Variants in EXOC6B observed in about 807,000 individuals in gnomAD.
EXOC6B encodes the protein exocyst complex component 6B.
A neutral mutation model predicts 113.5 loss-of-function variants in EXOC6B; 54 were observed. That is an observed-to-expected ratio of 0.48 (90% confidence interval 0.38 to 0.60). The LOEUF (loss-of-function observed/expected upper bound fraction) is 0.60, where lower values mean the gene tolerates loss of function less well. EXOC6B is among the 20% of genes least tolerant of loss of function. EXOC6B has a pLI of 0.00. For missense variants in EXOC6B, 797 were observed against 977.5 expected, an observed-to-expected ratio of 0.82 and a Z score of 2.46; for synonymous variants, 357 against 339.0, an observed-to-expected ratio of 1.05 and a Z score of -0.58.
At chr2:72,814,233 G>A (rs1484101141) in intron 1 of EXOC6B, among the ~76,000 whole-genome samples, 3 of 152,158 alleles carry the variant, frequency 2.0e-5, no homozygotes, top group Non-Finnish European at 4.4e-5. Flanking sequence ...TTTGGCAAAT[G>A]GCCTTCATCA....
intron 1 of EXOC6B, among the ~76,000 whole-genome samples, chr2:72,798,227 C>T (rs138325964): frequency 4.8e-4 from 73 of 152,048 alleles, no homozygotes; most frequent in East Asian, 2.3e-3. Context: ...TTACCTCTTG[C>T]AAAAGACAAA....
chr2:72,219,900 T>C (rs1207916629), intron 20 of EXOC6B, among the ~76,000 whole-genome samples: 2 of 152,216 alleles, frequency 1.3e-5, no homozygotes, highest in Non-Finnish European at 1.5e-5. Context: ...TTAAGTGATT[T>C]GTGCTGATGG....
intron 8 of EXOC6B, among the ~76,000 whole-genome samples, chr2:72,550,182 CA>C (rs1277969657): frequency 6.6e-6 from 1 of 151,862 alleles, no homozygotes; most frequent in Non-Finnish European, 1.5e-5. Context: ...AAAAAAATTA[CA>C]AACATTTATA....
chr2:72,614,572 A>G (rs1380564524), intron 6 of EXOC6B, among the ~76,000 whole-genome samples: 2 of 152,190 alleles, frequency 1.3e-5, no homozygotes, highest in African/African-American at 2.4e-5. Flanking sequence ...TAAACTTTGG[A>G]ACTTCCAAAT....
At chr2:72,438,241 A>G (rs1695992233) in intron 18 of EXOC6B, among the ~76,000 whole-genome samples, 1 of 152,082 alleles carries the variant, frequency 6.6e-6, no homozygotes, top group Non-Finnish European at 1.5e-5. Context: ...TTAAAACTCA[A>G]TCAGAAAAAC....
chr2:72,586,758 T>TA (rs1470656851), intron 6 of EXOC6B, among the ~76,000 whole-genome samples: 5 of 143,634 alleles, frequency 3.5e-5, no homozygotes, highest in Non-Finnish European at 6.2e-5. Flanking sequence ...CTCAAAAAAA[T>TA]AAAAAAATAA....
intron 18 of EXOC6B, among the ~76,000 whole-genome samples, chr2:72,417,090 AT>A (rs964365109): frequency 1.3e-5 from 2 of 152,042 alleles, no homozygotes; most frequent in Admixed American, 6.5e-5. Flanking sequence ...TCTGGTATCA[AT>A]TTTTTTATCA....
At chr2:72,468,061 A>C (rs1698164031) in intron 17 of EXOC6B, among the ~76,000 whole-genome samples, 1 of 151,794 alleles carries the variant, frequency 6.6e-6, no homozygotes. Context: ...GTGAGCCACC[A>C]TGCTCTGCCT....
At chr2:72,332,315 C>G (rs969620780) in intron 20 of EXOC6B, among the ~76,000 whole-genome samples, 1 of 151,936 alleles carries the variant, frequency 6.6e-6, no homozygotes, top group Non-Finnish European at 1.5e-5. Context: ...AATCTGTGTT[C>G]TTAATAATAT....
At chr2:72,372,834 A>ACTCT (rs1035365125) in intron 19 of EXOC6B, among the ~76,000 whole-genome samples, 1 of 151,892 alleles carries the variant, frequency 6.6e-6, no homozygotes, top group African/African-American at 2.4e-5. Context: ...ACAGAGCAAG[A>ACTCT]CTCTGTCTCA....
intron 20 of EXOC6B, among the ~76,000 whole-genome samples, chr2:72,186,011 G>A (rs1245455220): frequency 1.3e-5 from 2 of 151,626 alleles, no homozygotes; most frequent in African/African-American, 2.4e-5. Flanking sequence ...TTGTCCTTGC[G>A]ATAGATAGTT....
chr2:72,430,950 ATT>A (rs1695484683), intron 18 of EXOC6B, among the ~76,000 whole-genome samples: 1 of 152,196 alleles, frequency 6.6e-6, no homozygotes, highest in Non-Finnish European at 1.5e-5. Flanking sequence ...GGGCTAACCA[ATT>A]CATGGCTATG....
chr2:72,741,323 C>T lies in EXOC6B; in HGVS notation c.260G>A (p.Gly87Glu), dbSNP rs755879989. The change falls in exon 2 of 22, where the codon GGA becomes GAA. Residue 87 changes from glycine (G) to glutamate (E), a missense_variant. Coordinates refer to ENST00000272427, the MANE Select transcript of EXOC6B (RefSeq NM_015189.3). ...TCTTACTTTGAGTTTCTGGGCTTCT[C>T]CTCTCACTTTCAGCAGTTCAGTTAT... Reference protein sequence around the residue: ...DSITELLKVRGEAQKLKNQVT... With the variant: ...DSITELLKVREEAQKLKNQVT... The T allele has an allele frequency of 5.6e-6, 9 of 1,612,332 alleles. No individual in the cohort carries two copies. The highest frequency in any genetic ancestry group is 4.0e-5 in the African/African-American group (3 of 74,656).
At chr2:72,719,604 C>T (rs1473654507) in intron 5 of EXOC6B, among the ~76,000 whole-genome samples, 1 of 152,196 alleles carries the variant, frequency 6.6e-6, no homozygotes, top group Non-Finnish European at 1.5e-5. Flanking sequence ...TAGTCCCTAA[C>T]CCATATACAA....
chr2:72,721,103 C>T (rs1679971983), intron 5 of EXOC6B, among the ~76,000 whole-genome samples: 1 of 151,878 alleles, frequency 6.6e-6, no homozygotes, highest in African/African-American at 2.4e-5. Flanking sequence ...CTGAGGCAGG[C>T]AGATCACTTG....
At chr2:72,550,922 T>TA (rs201872674) in intron 8 of EXOC6B, among the ~76,000 whole-genome samples, 19 of 147,884 alleles carry the variant, frequency 1.3e-4, no homozygotes, top group South Asian at 4.2e-4. Context: ...TTTTTTTATT[T>TA]TTTTTTTTTT....
intron 20 of EXOC6B, among the ~76,000 whole-genome samples, chr2:72,302,205 G>A (rs956037988): frequency 2.6e-5 from 4 of 152,160 alleles, no homozygotes; most frequent in African/African-American, 9.7e-5. Flanking sequence ...CCAAGAGTGT[G>A]TTTGGTATGA....
At chr2:72,552,791 T>C (rs997108929) in intron 8 of EXOC6B, among the ~76,000 whole-genome samples, 4 of 151,948 alleles carry the variant, frequency 2.6e-5, no homozygotes, top group Non-Finnish European at 4.4e-5. Context: ...TATATTAATA[T>C]GTATAGAAAA....
chr2:72,441,307 T>A (rs1221115405), intron 18 of EXOC6B, among the ~76,000 whole-genome samples: 1 of 151,818 alleles, frequency 6.6e-6, no homozygotes, highest in Non-Finnish European at 1.5e-5. Context: ...GATCTCAATT[T>A]AAAAATCTAA....
Sources: gnomAD v4.1 joint callset for allele counts (sites outside exome capture counted in the v4.1 genomes callset) on GRCh38, gnomAD v4.1.1 for gene constraint, MANE v1.5 for transcripts, NCBI Gene and HGNC (gene_info 2026-07-23, HGNC 2026-07-21) for gene names.